The following USH2A variants were observed in gnomAD, a reference collection of about 807,000 sequenced individuals.
USH2A encodes usherin.
In USH2A, 443 loss-of-function variants were observed where a neutral mutation model predicts 538.9. The observed-to-expected ratio is 0.82, with a 90% confidence interval of 0.76 to 0.89. The LOEUF is 0.89. Among genes scored for constraint, USH2A ranks in the 40% least tolerant of loss-of-function variants. USH2A has a pLI of 0.00. For missense variants in USH2A, 6,633 were observed against 6,324.8 expected (o/e 1.05, Z -1.65); for synonymous variants, 2,413 against 2,273.5 (o/e 1.06, Z -1.75).
chr1:215,968,614 T>C (rs1453291134), intron 36 of USH2A, among the ~76,000 whole-genome samples: 3 of 152,150 alleles, frequency 2.0e-5, no homozygotes, highest in East Asian at 3.8e-4. Flanking sequence ...ATATTCCTCA[T>C]AGAAAACATT....
intron 41 of USH2A, among the ~76,000 whole-genome samples, chr1:215,882,468 A>C (rs1457547426): frequency 6.6e-6 from 1 of 152,204 alleles, no homozygotes; most frequent in Non-Finnish European, 1.5e-5. Flanking sequence ...TAAAAATATT[A>C]ATCTTAATTT....
chr1:216,066,028 A>G (rs1477061014), intron 30 of USH2A, among the ~76,000 whole-genome samples: 4 of 152,208 alleles, frequency 2.6e-5, no homozygotes, highest in Non-Finnish European at 5.9e-5. Flanking sequence ...AATACAAACT[A>G]AAACAATATT....
intron 36 of USH2A, among the ~76,000 whole-genome samples, chr1:215,965,927 A>T (rs1369725374): frequency 1.5e-5 from 2 of 136,610 alleles, no homozygotes; most frequent in East Asian, 2.1e-4. Flanking sequence ...TCTCTGTCAC[A>T]CACACACACA....
intron 21 of USH2A, among the ~76,000 whole-genome samples, chr1:216,121,041 A>G (rs2033128534): frequency 6.6e-6 from 1 of 152,202 alleles, no homozygotes. Context: ...AAAGTATTTG[A>G]ACATTTATTT....
chr1:215,675,550 G>A lies in USH2A; in HGVS notation c.12361C>T (p.Arg4121Cys), dbSNP rs772357461. 19 of 1,613,994 alleles carry A rather than the reference G, an allele frequency of 1.2e-5. No homozygotes were observed. Among genetic ancestry groups the A allele is most frequent in the Middle Eastern group, 1.7e-4 (1 of 6,060 alleles). ...SGLNRQFLFR[R>C]LDPFTLYTLT... ...GTGTAGAGAGTGAAAGGATCCAGGC[G>A]GCGGAAGAGAAACTGACGATTCAAA... Residue 4121 changes from arginine (R) to cysteine (C), a missense_variant, in exon 63 of 72, where the codon CGC (arginine) becomes TGC (cysteine). Arg to Cys is a radical substitution (Grantham distance 180). Coordinates refer to ENST00000307340, the MANE Select transcript of USH2A (RefSeq NM_206933.4).
intron 13 of USH2A, among the ~76,000 whole-genome samples, chr1:216,239,015 A>G (rs1029403812): frequency 6.6e-5 from 10 of 152,078 alleles, no homozygotes. Context: ...AGGGCTGGCT[A>G]CTGCAAACAT....
At chr1:216,056,385 T>C (rs1170931912) in intron 30 of USH2A, among the ~76,000 whole-genome samples, 1 of 152,148 alleles carries the variant, frequency 6.6e-6, no homozygotes, top group Non-Finnish European at 1.5e-5. Flanking sequence ...TACAAGCCTC[T>C]GATATTGTTA....
At chr1:215,642,365 G>A (rs1656712107) in intron 67 of USH2A, among the ~76,000 whole-genome samples, 1 of 152,144 alleles carries the variant, frequency 6.6e-6, no homozygotes, top group African/African-American at 2.4e-5. Context: ...AGACCAAGGA[G>A]CTGAACCTAG....
chr1:215,939,588 A>T (rs1389020949), intron 37 of USH2A, among the ~76,000 whole-genome samples: 2 of 152,074 alleles, frequency 1.3e-5, no homozygotes, highest in Admixed American at 1.3e-4. Context: ...ATTATTTTTA[A>T]GGAAAAAACA....
intron 32 of USH2A, among the ~76,000 whole-genome samples, chr1:216,010,437 C>A (rs58401403): frequency 0.015 from 2,239 of 152,142 alleles, 46 homozygotes; most frequent in African/African-American, 0.051. Context: ...CCAAGGTTCT[C>A]TGACTGACCC....
intron 38 of USH2A, among the ~76,000 whole-genome samples, chr1:215,918,650 A>T (rs149309054): frequency 1.3e-4 from 20 of 152,256 alleles, no homozygotes; most frequent in Non-Finnish European, 2.6e-4. Context: ...ATTTCACATT[A>T]TCTATTAGTA....
At chr1:216,118,774 C>T (rs2033065577) in intron 21 of USH2A, among the ~76,000 whole-genome samples, 1 of 152,214 alleles carries the variant, frequency 6.6e-6, no homozygotes, top group African/African-American at 2.4e-5. Flanking sequence ...TGATACCACC[C>T]TTTAATATTG....
intron 30 of USH2A, among the ~76,000 whole-genome samples, chr1:216,068,142 G>T (rs1046362617): frequency 2.6e-5 from 4 of 152,156 alleles, no homozygotes; most frequent in African/African-American, 9.7e-5. Context: ...AGTGTCAAGT[G>T]TTTTTTGCCT....
chr1:216,357,804 T>A (rs1410693391), intron 4 of USH2A, among the ~76,000 whole-genome samples: 3 of 152,136 alleles, frequency 2.0e-5, no homozygotes, highest in African/African-American at 7.2e-5. Flanking sequence ...TTTGGAGAGC[T>A]AGTATGGTTT....
chr1:216,360,902 A>G (rs2038479235), intron 4 of USH2A, among the ~76,000 whole-genome samples: 1 of 152,144 alleles, frequency 6.6e-6, no homozygotes, highest in African/African-American at 2.4e-5. Context: ...TCTCAACAGA[A>G]TTTTTTATGA....
chr1:216,097,298 T>A, intron 21 of USH2A, 85 bp from the exon 22 acceptor site: 1 of 1,608,328 alleles, frequency 6.2e-7, no homozygotes, highest in Non-Finnish European at 8.5e-7. Context: ...TCATTATTAT[T>A]TATGATGTAG....
intron 69 of USH2A, among the ~76,000 whole-genome samples, chr1:215,638,260 A>G (rs909601836): frequency 4.6e-5 from 7 of 152,182 alleles, no homozygotes; most frequent in Admixed American, 1.3e-4. Flanking sequence ...GTTTGTGGTT[A>G]GGAGAAAAAT....
At chr1:216,366,307 G>A (rs1259445339) in intron 3 of USH2A, among the ~76,000 whole-genome samples, 1 of 152,034 alleles carries the variant, frequency 6.6e-6, no homozygotes, top group Admixed American at 6.6e-5. Context: ...TATGGACTTT[G>A]AGTGGTAATG....
intron 2 of USH2A, among the ~76,000 whole-genome samples, 200 bp from the exon 3 acceptor site, chr1:216,418,879 G>T (rs188081169): frequency 1.7e-4 from 26 of 152,098 alleles, no homozygotes; most frequent in African/African-American, 6.3e-4. Context: ...ATAAAAAATA[G>T]AATTCTTATT....
Sources: allele counts gnomAD v4.1 joint callset (sites outside exome capture counted in the v4.1 genomes callset), GRCh38; gene constraint gnomAD v4.1.1; transcripts MANE v1.5; gene names NCBI Gene and HGNC (gene_info 2026-07-23, HGNC 2026-07-21).